Variants in AP1G1 observed in about 807,000 individuals in gnomAD.
AP1G1 encodes adaptor related protein complex 1 subunit gamma 1.
Under a neutral mutation model 108.3 loss-of-function variants are expected in AP1G1, and 7 were observed. The observed-to-expected ratio is 0.06, with a 90% CI of 0.04 to 0.12. The LOEUF (loss-of-function observed/expected upper bound fraction) is 0.12. Among genes scored for constraint, AP1G1 ranks in the 10% least tolerant of loss-of-function variants. The pLI is 1.00. For synonymous variants in AP1G1, 379 were observed against 353.5 expected (o/e 1.07, Z -0.81); for missense variants, 756 against 1,010.7 (o/e 0.75, Z 3.42).
chr16:71,786,493 A>G (rs980838922), intron 2 of AP1G1, among the ~76,000 whole-genome samples: 3 of 151,962 alleles, frequency 2.0e-5, no homozygotes, highest in African/African-American at 7.2e-5. Flanking sequence ...AAAGAGTCTC[A>G]TTCTGTTGCC....
chr16:71,757,529 T>C (rs186031471), intron 11 of AP1G1, among the ~76,000 whole-genome samples: 2 of 152,316 alleles, frequency 1.3e-5, no homozygotes, highest in East Asian at 3.9e-4. Flanking sequence ...TCCTTAGATA[T>C]AATAACTTTT....
chr16:71,744,192 C>T (rs1215004987), intron 19 of AP1G1, among the ~76,000 whole-genome samples: 1 of 152,082 alleles, frequency 6.6e-6, no homozygotes, highest in Non-Finnish European at 1.5e-5. Context: ...TGCAGTGAGT[C>T]GAGATCGTGC....
In AP1G1 at chr16:71,769,632, A is replaced by G. The variant is rs138274032; in HGVS notation, c.633T>C (p.His211=). 1.7e-4 allele frequency: 280 copies of G among 1,613,352 alleles called. 5 individuals are homozygous for G. The South Asian group carries it at 2.3e-3, about 13-fold the overall frequency. The change falls in exon 6 of 23, where the codon CAT becomes CAC. Residue 211 remains histidine, a synonymous_variant. Transcript: ENST00000299980. Reference sequence around the variant, plus strand: ...ACAGAATGGCACCTACCTTTCTGAAATGCGCAAGCATGTCTGGGCTTCGCT... The same window carrying G: ...ACAGAATGGCACCTACCTTTCTGAAGTGCGCAAGCATGTCTGGGCTTCGCT... ...MCERSPDMLA[H]FRKLVPQLVR... is the part of the protein sequence containing the mutation.
intron 18 of AP1G1, 100 bp downstream of exon 18, chr16:71,745,373 A>T: frequency 6.2e-7 from 1 of 1,601,704 alleles, no homozygotes; most frequent in East Asian, 2.2e-5. Flanking sequence ...GGAAATCATC[A>T]ACCAACCCAG....
At position 71,768,909 on chromosome 16, in the gene AP1G1, C is replaced by A. The variant is rs1219279684; in HGVS notation, c.642+714G>T. On this transcript the variant is annotated intron_variant, in intron 6 of 22. Coordinates refer to ENST00000299980, the MANE Select transcript of AP1G1 (RefSeq NM_001128.6). ...CTCCAGCATGGGCGACAGAGCAAGA[C>A]TCTGTCTCAAAAAAAAAAAAAAAAA... Among the ~76,000 whole-genome samples the A allele has an allele frequency of 5.8e-5, 5 of 86,342 alleles. No homozygotes were observed. The Admixed American group carries it at 8.3e-4, about 14-fold the overall frequency. The allele number at this position is 86,342 out of a possible 152,430, so 56.6% of individuals were successfully genotyped here. A position where few individuals can be genotyped will look rare whatever the true frequency, so the allele number is the denominator to read the frequency against.
At position 71,769,615 on chromosome 16, in the gene AP1G1, G is replaced by T; in HGVS notation, c.642+8C>A. ...AAGAAAGGCTTAGGCATACAGAATG[G>T]CACCTACCTTTCTGAAATGCGCAAG... On this transcript the variant is annotated splice_region_variant and intron_variant, in intron 6 of 22. Coordinates refer to ENST00000299980, the MANE Select transcript of AP1G1 (RefSeq NM_001128.6). 2.5e-6 allele frequency: 4 copies of T among 1,610,186 alleles called. No homozygotes were observed. Among genetic ancestry groups the T allele is most frequent in the Non-Finnish European group, 3.4e-6 (4 of 1,176,706 alleles).
rs760609189 is a variant in AP1G1, at chr16:71,745,469, C to A, written c.1872+4G>T. ...CCCAGATGAGCAAGTGAAAGGCTGG[C>A]TACCTGGCTGGTGGGCTGTGGCCCA... On this transcript the variant is annotated splice_donor_region_variant and intron_variant, in intron 18 of 22. Transcript: ENST00000299980. The A allele has an allele frequency of 6.2e-7, 1 of 1,614,156 alleles. No individual in the cohort carries two copies. Among genetic ancestry groups the A allele is most frequent in the Non-Finnish European group, 8.5e-7 (1 of 1,180,032 alleles).
chr16:71,748,037 G>C (rs1324266605), intron 16 of AP1G1, among the ~76,000 whole-genome samples: 1 of 152,196 alleles, frequency 6.6e-6, no homozygotes, highest in Non-Finnish European at 1.5e-5. Context: ...CCACAAGGGA[G>C]TAAAAGAATG....
In AP1G1 at chr16:71,738,808, CATT is replaced by C. The variant is rs371126580; in HGVS notation, c.2268+131_2268+133del. ...ATATGCTTCCATGAACCATAAGCTACATTATTGTTAGTTTGAATTAAGTCTACA... is the reference window on the plus strand; with the variant it reads ...ATATGCTTCCATGAACCATAAGCTACATTGTTAGTTTGAATTAAGTCTACA... On this transcript the variant is annotated intron_variant, in intron 21 of 22. Transcript: ENST00000299980. The C allele has an allele frequency of 2.5e-3, 1,959 of 792,786 alleles. 5 individuals carry two copies. Among genetic ancestry groups the C allele is most frequent in the Admixed American group, 7.6e-3 (268 of 35,482 alleles). The allele number at this position is 792,786 out of a possible 1,614,324, so 49.1% of individuals were successfully genotyped here.
In AP1G1 at chr16:71,736,120, ATATATATATAT is replaced by A. The variant is rs2045536765; in HGVS notation, c.2269-1424_2269-1414del. On this transcript the variant is annotated intron_variant, in intron 21 of 22. Coordinates refer to ENST00000299980, the MANE Select transcript of AP1G1 (RefSeq NM_001128.6). The stretch of plus-strand genomic sequence containing the variant: ...TCTCAAAAAAAAAAAAAAAAAAAAT[ATATATATATAT>A]ATATATATATATATATGGTCTTATT... 1.6e-3 allele frequency among the ~76,000 whole-genome samples: 116 copies of A among 73,440 alleles called. 2 individuals carry two copies. The highest frequency in any genetic ancestry group is 9.4e-3 in the Middle Eastern group (1 of 106). 48.2% of individuals were successfully genotyped at this position (73,440 alleles called of 152,430 possible).
intron 12 of AP1G1, among the ~76,000 whole-genome samples, chr16:71,755,144 G>A (rs539381999): frequency 6.6e-6 from 1 of 152,292 alleles, no homozygotes; most frequent in African/African-American, 2.4e-5. Flanking sequence ...CAGCATCACA[G>A]GCCAGGTGTG....
At chr16:71,750,562 A>C in intron 13 of AP1G1, 1 of 410,958 alleles carries the variant, frequency 2.4e-6, no homozygotes, top group South Asian at 2.6e-5. Flanking sequence ...CTACAGGTAC[A>C]TGCCACCACA....
Position 71,789,264 on chromosome 16 carries a change from C to A in AP1G1, c.201+15G>T. 6.2e-7 allele frequency: 1 copy of A among 1,609,466 alleles called. No individual in the cohort carries two copies. Among genetic ancestry groups the A allele is most frequent in the Non-Finnish European group, 8.5e-7 (1 of 1,177,452 alleles). ...AAAGAATACCCTTGCTACATGTAGT[C>A]TCAGCCCAGCCTACCTGTCCAAAGT... is the stretch of plus-strand genomic sequence containing the variant. On this transcript the variant is annotated intron_variant, in intron 2 of 22. Coordinates refer to ENST00000299980, the MANE Select transcript of AP1G1 (RefSeq NM_001128.6).
At chr16:71,806,386 G>A (rs1471862273) in intron 1 of AP1G1, among the ~76,000 whole-genome samples, 1 of 152,170 alleles carries the variant, frequency 6.6e-6, no homozygotes, top group Non-Finnish European at 1.5e-5. Context: ...AACTATCTAA[G>A]AATGAATTTT....
In AP1G1 at chr16:71,731,604, C is replaced by T. The variant is rs536372577; in HGVS notation, c.*1454G>A. On this transcript the variant is annotated 3_prime_UTR_variant, in exon 23 of 23. Coordinates refer to ENST00000299980, the MANE Select transcript of AP1G1 (RefSeq NM_001128.6). ...ACATACATAGTACATTCAATGTGTA[C>T]CACAGAGAGAGTCACCTCTACTTCA... The T allele has an allele frequency of 1.3e-5, 2 of 152,580 alleles. No individual in the cohort carries two copies. Among genetic ancestry groups the T allele is most frequent in the South Asian group, 4.1e-4 (2 of 4,820 alleles). 9.5% of individuals were successfully genotyped at this position (152,580 alleles called of 1,614,324 possible). A position where few individuals can be genotyped will look rare whatever the true frequency, so the allele number is the denominator to read the frequency against.
At chr16:71,781,223 A>G (rs2032001922) in intron 2 of AP1G1, among the ~76,000 whole-genome samples, 1 of 152,238 alleles carries the variant, frequency 6.6e-6, no homozygotes, top group African/African-American at 2.4e-5. Flanking sequence ...ACCACTATGT[A>G]GGCCTGACAA....
chr16:71,802,445 T>C (rs773674093), intron 1 of AP1G1, among the ~76,000 whole-genome samples: 2 of 151,998 alleles, frequency 1.3e-5, no homozygotes, highest in Admixed American at 6.6e-5. Flanking sequence ...TTAAAAAATT[T>C]TGGGCCAGGC....
chr16:71,771,091 G>T, intron 5 of AP1G1, 65 bp downstream of exon 5: 3 of 1,014,404 alleles, frequency 3.0e-6, no homozygotes, highest in African/African-American at 1.6e-5. Context: ...GACTAACATA[G>T]CCTTAAGCCT....
intron 13 of AP1G1, among the ~76,000 whole-genome samples, chr16:71,750,636 G>A (rs961603446): frequency 1.3e-5 from 2 of 151,512 alleles, no homozygotes; most frequent in African/African-American, 2.4e-5. Flanking sequence ...GGGTGGTCTC[G>A]AACTCCTGAC....
Sources: allele counts gnomAD v4.1 joint callset (sites outside exome capture counted in the v4.1 genomes callset), GRCh38; gene constraint gnomAD v4.1.1; transcripts MANE v1.5; gene names NCBI Gene and HGNC (gene_info 2026-07-23, HGNC 2026-07-21).